Variants in CLDN14 observed in about 807,000 individuals in gnomAD.
The protein encoded by CLDN14 is claudin 14, also known as claudin-14.
A neutral mutation model predicts 2.1 loss-of-function variants in CLDN14; 2 were observed. The observed-to-expected ratio is 0.96, with a 90% CI of 0.39 to 3.01. The LOEUF (loss-of-function observed/expected upper bound fraction) is 3.01. Among genes scored for constraint, CLDN14 ranks in the 30% most tolerant of loss-of-function variants. CLDN14 has a pLI of 0.09. For synonymous variants in CLDN14, 136 were observed against 154.4 expected, an observed-to-expected ratio of 0.88 and a Z score of 0.88; for missense variants, 298 against 328.0, an observed-to-expected ratio of 0.91 and a Z score of 0.71.
intron 2 of CLDN14, among the ~76,000 whole-genome samples, chr21:36,504,539 C>T (rs538117021): frequency 6.6e-6 from 1 of 152,204 alleles, no homozygotes; most frequent in African/African-American, 2.4e-5. Context: ...TTTTAACCAC[C>T]TCATATTTTA....
At chr21:36,568,195 T>G (rs532926814) in intron 1 of CLDN14, among the ~76,000 whole-genome samples, 1 of 152,142 alleles carries the variant, frequency 6.6e-6, no homozygotes, top group African/African-American at 2.4e-5. Flanking sequence ...CTGGGCTGGA[T>G]GGAGCATGGG....
At chr21:36,462,547 C>T (rs1057398156) in intron 1 of CLDN14, among the ~76,000 whole-genome samples, 3 of 152,242 alleles carry the variant, frequency 2.0e-5, no homozygotes, top group South Asian at 4.1e-4. Flanking sequence ...TGAGCCCTTT[C>T]AAAGGCTTTT....
chr21:36,545,016 G>A (rs1012158102), intron 1 of CLDN14, among the ~76,000 whole-genome samples: 1 of 152,166 alleles, frequency 6.6e-6, no homozygotes. Context: ...CATCTCTGTT[G>A]GTAACTGAAA....
chr21:36,568,143 T>G (rs1284498971), intron 1 of CLDN14, among the ~76,000 whole-genome samples: 1 of 152,146 alleles, frequency 6.6e-6, no homozygotes, highest in Non-Finnish European at 1.5e-5. Context: ...TAAGCCAGCT[T>G]GACCAGGCAG....
At chr21:36,502,538 C>T (rs2087100239) in intron 2 of CLDN14, among the ~76,000 whole-genome samples, 1 of 152,212 alleles carries the variant, frequency 6.6e-6, no homozygotes, top group Non-Finnish European at 1.5e-5. Context: ...CTTCATGTTA[C>T]TGAGACATCT....
At chr21:36,484,298 C>A (rs565548800), upstream of CLDN14, among the ~76,000 whole-genome samples, 1 of 152,190 alleles carries the variant, frequency 6.6e-6, no homozygotes, top group Non-Finnish European at 1.5e-5. Flanking sequence ...TACTTTCTGA[C>A]GTGAACAGTG....
intron 1 of CLDN14, among the ~76,000 whole-genome samples, chr21:36,561,974 C>CA (rs916590831): frequency 2.0e-5 from 3 of 152,126 alleles, no homozygotes; most frequent in African/African-American, 4.8e-5. Flanking sequence ...TGTTTTGCTG[C>CA]AAAAAAATCC....
chr21:36,538,745 C>T (rs901475372), intron 1 of CLDN14, among the ~76,000 whole-genome samples: 1 of 127,116 alleles, frequency 7.9e-6, no homozygotes, highest in African/African-American at 2.9e-5. Context: ...CTCAAGTCAC[C>T]TCCATTGAAA....
intron 1 of CLDN14, among the ~76,000 whole-genome samples, chr21:36,475,658 C>T (rs917911870): frequency 1.3e-5 from 2 of 152,194 alleles, no homozygotes; most frequent in South Asian, 2.1e-4. Flanking sequence ...TCAAGTGATC[C>T]TCCCGCCTCA....
intron 1 of CLDN14, among the ~76,000 whole-genome samples, chr21:36,529,593 AAT>A (rs199880741): frequency 0.011 from 1,680 of 152,266 alleles, 20 homozygotes; most frequent in African/African-American, 0.039. Context: ...CCCATAGATT[AAT>A]ATGTGTCCTT....
At chr21:36,552,389 G>A (rs1308656885) in intron 1 of CLDN14, among the ~76,000 whole-genome samples, 1 of 152,230 alleles carries the variant, frequency 6.6e-6, no homozygotes. Flanking sequence ...CCATGTGAAA[G>A]GGAGCTGATG....
chr21:36,485,867 T>TA (rs1296165421), intron 2 of CLDN14: 27 of 548,464 alleles, frequency 4.9e-5, no homozygotes, highest in African/African-American at 4.5e-4. Flanking sequence ...TTTTTTTTTT[T>TA]ATGTTGCCAA....
At chr21:36,502,193 G>A (rs9680300) in intron 2 of CLDN14, among the ~76,000 whole-genome samples, 6,354 of 152,196 alleles carry the variant, frequency 0.042, 235 homozygotes, top group African/African-American at 0.098. Context: ...ATTATTATCC[G>A]AATTGTGCAT....
chr21:36,553,392 G>C (rs2087576372), intron 1 of CLDN14, among the ~76,000 whole-genome samples: 1 of 152,190 alleles, frequency 6.6e-6, no homozygotes, highest in South Asian at 2.1e-4. Flanking sequence ...CTGAGGAACA[G>C]GCCCCTGGTG....
chr21:36,537,649 T>TTA, intron 1 of CLDN14, among the ~76,000 whole-genome samples: 1 of 109,484 alleles, frequency 9.1e-6, no homozygotes, highest in Admixed American at 9.2e-5. Flanking sequence ...TGTTTTTCTT[T>TTA]TCTTTTCTTT....
At chr21:36,543,115 G>T (rs535086864) in intron 1 of CLDN14, among the ~76,000 whole-genome samples, 2 of 152,340 alleles carry the variant, frequency 1.3e-5, no homozygotes, top group African/African-American at 4.8e-5. Flanking sequence ...TACACCGCAA[G>T]TAGGTGCGCG....
chr21:36,537,019 C>T (rs898734208), intron 1 of CLDN14, among the ~76,000 whole-genome samples: 1 of 152,110 alleles, frequency 6.6e-6, no homozygotes, highest in African/African-American at 2.4e-5. Flanking sequence ...GGAGAGACCT[C>T]GTCTCTACTA....
intron 2 of CLDN14, among the ~76,000 whole-genome samples, chr21:36,507,124 TA>T (rs61037603): frequency 0.041 from 5,873 of 141,600 alleles, 344 homozygotes; most frequent in African/African-American, 0.13. Flanking sequence ...TGCTCCCTCT[TA>T]AAAAAAAAAA....
chr21:36,466,231 A>C (rs1367084550), intron 1 of CLDN14: 1 of 152,230 alleles, frequency 6.6e-6, no homozygotes, highest in Non-Finnish European at 1.5e-5. Flanking sequence ...ATTTGCAATG[A>C]AATCACTTTG....
Sources: allele counts gnomAD v4.1 joint callset (sites outside exome capture counted in the v4.1 genomes callset), GRCh38; gene constraint gnomAD v4.1.1; transcripts MANE v1.5; gene names NCBI Gene and HGNC (gene_info 2026-07-23, HGNC 2026-07-21).